ORC4: variants seen among roughly 807,000 people sequenced by gnomAD.
ORC4 encodes origin recognition complex subunit 4, also known as origin recognition complex, subunit 4 homolog.
In ORC4, 55 loss-of-function variants were observed where a neutral mutation model predicts 63.9. The observed-to-expected ratio is 0.86, with a 90% CI of 0.69 to 1.08. The LOEUF (loss-of-function observed/expected upper bound fraction) is 1.08. ORC4 is among the 50% of genes least tolerant of loss of function. ORC4 has a pLI of 0.00. For synonymous variants in ORC4, 150 were observed against 168.5 expected, an observed-to-expected ratio of 0.89 and a Z score of 0.85; for missense variants, 511 against 504.4, an observed-to-expected ratio of 1.01 and a Z score of -0.13.
rs186960850 is a variant in ORC4 at position 147,970,158 on chromosome 2, T to C, written c.225+2581A>G. Among the ~76,000 whole-genome samples the C allele has an allele frequency of 9.3e-4, 142 of 152,250 alleles. 1 individual carries two copies. The highest frequency in any genetic ancestry group is 1.3e-3 in the Non-Finnish European group (87 of 67,998). On this transcript the variant is annotated intron_variant, in intron 4 of 13. Transcript: ENST00000392857. ...TTAGGTATAAATCTAACGAAACATG[T>C]GTAAGATCTTTATTAAGAAAACTAC...
intron 6 of ORC4, among the ~76,000 whole-genome samples, chr2:147,957,624 T>C (rs1004280357): frequency 3.3e-5 from 5 of 152,204 alleles, no homozygotes; most frequent in African/African-American, 1.2e-4. Context: ...GCCCTGAGAC[T>C]ATAAGATGAT....
chr2:147,954,557 T>C (rs1398838608), intron 7 of ORC4, among the ~76,000 whole-genome samples: 1 of 152,138 alleles, frequency 6.6e-6, no homozygotes, highest in East Asian at 1.9e-4. Context: ...TATAATCTAA[T>C]AGGACCACTG....
At chr2:148,006,161 T>C (rs1692615636) in intron 1 of ORC4, among the ~76,000 whole-genome samples, 1 of 152,192 alleles carries the variant, frequency 6.6e-6, no homozygotes, top group Non-Finnish European at 1.5e-5. Context: ...AGATAGAATC[T>C]GTGTGCTTGG....
At chr2:148,016,665 T>G (rs1282805099) in intron 1 of ORC4, among the ~76,000 whole-genome samples, 2 of 152,328 alleles carry the variant, frequency 1.3e-5, no homozygotes, top group East Asian at 3.9e-4. Flanking sequence ...TCCAAGAGTT[T>G]GTGGAATCCT....
At chr2:147,961,764 G>T (rs1689605750) in intron 4 of ORC4, among the ~76,000 whole-genome samples, 1 of 152,170 alleles carries the variant, frequency 6.6e-6, no homozygotes, top group Non-Finnish European at 1.5e-5. Context: ...TAAACTGTCA[G>T]TGTGGCCAAG....
chr2:147,955,863 A>G (rs1404201750), intron 6 of ORC4, among the ~76,000 whole-genome samples: 1 of 152,022 alleles, frequency 6.6e-6, no homozygotes, highest in Non-Finnish European at 1.5e-5. Context: ...TTAAATGAGA[A>G]ACAAAAAGAA....
intron 1 of ORC4, among the ~76,000 whole-genome samples, chr2:147,988,792 CAAA>C (rs5835178): frequency 4.2e-5 from 6 of 143,078 alleles, no homozygotes; most frequent in African/African-American, 2.6e-5. Context: ...AAACAAAAAG[CAAA>C]AAAAAAAAAA....
intron 1 of ORC4, among the ~76,000 whole-genome samples, chr2:147,991,928 T>C (rs1265989054): frequency 6.6e-6 from 1 of 152,192 alleles, no homozygotes; most frequent in Non-Finnish European, 1.5e-5. Context: ...GTAGTGTTGA[T>C]GAATGAATAA....
At chr2:148,002,327 A>G (rs1468387720) in intron 1 of ORC4, among the ~76,000 whole-genome samples, 1 of 152,166 alleles carries the variant, frequency 6.6e-6, no homozygotes, top group Non-Finnish European at 1.5e-5. Context: ...TCAGCACCAC[A>G]TCGCACTTAT....
intron 1 of ORC4, among the ~76,000 whole-genome samples, chr2:147,987,295 AC>A (rs1691264100): frequency 6.6e-6 from 1 of 150,422 alleles, no homozygotes; most frequent in Admixed American, 6.6e-5. Flanking sequence ...TACTTTTTCA[AC>A]CAAAATGGGC....
intron 6 of ORC4, among the ~76,000 whole-genome samples, chr2:147,955,972 T>G (rs561565232): frequency 6.6e-6 from 1 of 152,100 alleles, no homozygotes; most frequent in South Asian, 2.1e-4. Flanking sequence ...CTATGTTTAC[T>G]TGGAATATAG....
chr2:147,957,175 TTAGA>T (rs941927472), intron 6 of ORC4, among the ~76,000 whole-genome samples: 35 of 147,464 alleles, frequency 2.4e-4, no homozygotes, highest in Admixed American at 9.5e-4. Flanking sequence ...ATATAATCTA[TTAGA>T]TAATTATATA....
intron 4 of ORC4, among the ~76,000 whole-genome samples, chr2:147,965,166 A>T (rs1689829534): frequency 6.6e-6 from 1 of 152,162 alleles, no homozygotes; most frequent in African/African-American, 2.4e-5. Context: ...AAGAGAAAGG[A>T]TCAAGCCTTA....
chr2:147,970,373 G>C (rs1690143200), intron 4 of ORC4, among the ~76,000 whole-genome samples: 1 of 152,104 alleles, frequency 6.6e-6, no homozygotes. Context: ...AAAGTATGCA[G>C]ACAGCCAACA....
intron 1 of ORC4, among the ~76,000 whole-genome samples, chr2:147,987,315 A>G (rs1409956214): frequency 1.3e-5 from 2 of 150,004 alleles, no homozygotes; most frequent in Non-Finnish European, 3.0e-5. Flanking sequence ...GCTCTATTTC[A>G]TAATATTTGT....
rs1281528624 is a variant in ORC4, at chr2:147,934,076, C to CT, written c.*1433dup. The CT allele has an allele frequency of 1.3e-5, 2 of 152,270 alleles. No individual in the cohort carries two copies. The highest frequency in any genetic ancestry group is 3.9e-4 in the East Asian group (2 of 5,176). 9.4% of individuals were successfully genotyped at this position (152,270 alleles called of 1,614,324 possible). On this transcript the variant is annotated 3_prime_UTR_variant, in exon 14 of 14. Coordinates refer to ENST00000392857, the MANE Select transcript of ORC4 (RefSeq NM_181741.4). ...AGGAATCCACTGTTGAACTTCAGGTCTTAATAGCACTGGCTTTGGTGCTAA... is the reference window on the plus strand; with the variant it reads ...AGGAATCCACTGTTGAACTTCAGGTCTTTAATAGCACTGGCTTTGGTGCTAA...
At chr2:147,956,085 T>C (rs7602886) in intron 6 of ORC4, among the ~76,000 whole-genome samples, 2,917 of 152,158 alleles carry the variant, frequency 0.019, 89 homozygotes, top group African/African-American at 0.067. Flanking sequence ...CATTAAAATA[T>C]TTGTTTCATT....
rs1320756125 is a variant in ORC4, at chr2:147,930,901, A to G, written c.*4609T>C. On this transcript the variant is annotated 3_prime_UTR_variant, in exon 14 of 14. Coordinates refer to ENST00000392857, the MANE Select transcript of ORC4 (RefSeq NM_181741.4). ...TTTAAGTTTTAGGGTACATGTGCAC[A>G]TTGTGCAGGTTAGTTACATAGGTAT... The G allele has an allele frequency of 6.7e-6, 1 of 149,100 alleles. No homozygotes were observed. The highest frequency in any genetic ancestry group is 1.5e-5 in the Non-Finnish European group (1 of 67,520). 9.2% of individuals were successfully genotyped at this position (149,100 alleles called of 1,614,324 possible). A position where few individuals can be genotyped will look rare whatever the true frequency, so the allele number is the denominator to read the frequency against.
At chr2:148,013,265 C>T (rs1036268024) in intron 1 of ORC4, among the ~76,000 whole-genome samples, 2 of 151,970 alleles carry the variant, frequency 1.3e-5, no homozygotes, top group Non-Finnish European at 2.9e-5. Context: ...AAAATGAAAT[C>T]CTGTCATTTT....
Sources: allele counts gnomAD v4.1 joint callset (sites outside exome capture counted in the v4.1 genomes callset), GRCh38; gene constraint gnomAD v4.1.1; transcripts MANE v1.5; gene names NCBI Gene and HGNC (gene_info 2026-07-23, HGNC 2026-07-21).